The following ARHGAP42 variants were observed in gnomAD, a reference collection of about 807,000 sequenced individuals.
ARHGAP42 encodes Rho GTPase activating protein 42, also known as rho GTPase-activating protein 42.
A neutral mutation model predicts 125.0 loss-of-function variants in ARHGAP42; 63 were observed. The ratio of observed to expected loss-of-function variants is 0.50; its 90% confidence interval spans 0.41 to 0.62. The LOEUF (loss-of-function observed/expected upper bound fraction) is 0.62, where lower values mean the gene tolerates loss of function less well. Among genes scored for constraint, ARHGAP42 ranks in the 20% least tolerant of loss-of-function variants. The probability of loss-of-function intolerance (pLI) is 0.00; values close to 1 mark genes in which losing one functional copy is unlikely to be tolerated. For missense variants in ARHGAP42, 766 were observed against 1,024.2 expected, an observed-to-expected ratio of 0.75 and a Z score of 3.44; for synonymous variants, 339 against 351.0, an observed-to-expected ratio of 0.97 and a Z score of 0.38.
rs192282493 is a variant in ARHGAP42, at chr11:100,863,090, A to C, written c.384+3465A>C. Among the ~76,000 whole-genome samples the C allele has an allele frequency of 3.9e-3, 591 of 151,220 alleles. 5 individuals carry two copies. Among genetic ancestry groups the C allele is most frequent in the African/African-American group, 0.012 (494 of 41,178 alleles). ...CACACACACACACACACAACAACAAAAAAAAGGCATGTTCTTCTGAAATAT... is the reference window on the plus strand; with the variant it reads ...CACACACACACACACACAACAACAACAAAAAGGCATGTTCTTCTGAAATAT... On this transcript the variant is annotated intron_variant, in intron 4 of 23. Transcript: ENST00000298815.
rs577867857 is a variant in ARHGAP42 at position 100,749,595 on chromosome 11, C to G, written c.155-20748C>G. 5.0e-4 allele frequency among the ~76,000 whole-genome samples: 76 copies of G among 152,286 alleles called. 2 individuals are homozygous for G. Among genetic ancestry groups the G allele is most frequent in the Admixed American group, 4.7e-3 (72 of 15,302 alleles). ...CCTCTGAAGGTCCCTTGCACACTTC[C>G]CACTCGTGTTGTCCTCTCTGGCTGC... is the stretch of plus-strand genomic sequence containing the variant. On this transcript the variant is annotated intron_variant, in intron 1 of 23. Coordinates refer to ENST00000298815, the MANE Select transcript of ARHGAP42 (RefSeq NM_152432.4).
chr11:100,961,000 G>A lies in ARHGAP42; in HGVS notation c.1300+11G>A. On this transcript the variant is annotated intron_variant, in intron 14 of 23. Coordinates refer to ENST00000298815, the MANE Select transcript of ARHGAP42 (RefSeq NM_152432.4). Reference sequence around the variant, plus strand: ...TGAATACCACATTTTGTAAGTTTTGGATGAAGCAACTTACATAATTTTTGT... The same window carrying A: ...TGAATACCACATTTTGTAAGTTTTGAATGAAGCAACTTACATAATTTTTGT... 6.6e-7 allele frequency: 1 copy of A among 1,521,282 alleles called. No individual in the cohort carries two copies. Among genetic ancestry groups the A allele is most frequent in the Non-Finnish European group, 8.9e-7 (1 of 1,129,468 alleles). 94.2% of individuals were successfully genotyped at this position (1,521,282 alleles called of 1,614,324 possible). A position where few individuals can be genotyped will look rare whatever the true frequency, so the allele number is the denominator to read the frequency against.
At chr11:100,736,951 C>G (rs1308000812) in intron 1 of ARHGAP42, among the ~76,000 whole-genome samples, 1 of 152,128 alleles carries the variant, frequency 6.6e-6, no homozygotes, top group African/African-American at 2.4e-5. Context: ...TGAGCAAGCA[C>G]TATGCTAAAT....
At chr11:100,699,500 A>ATTTTTTTTTTTTTTT (rs1565532911) in intron 1 of ARHGAP42, among the ~76,000 whole-genome samples, 1 of 40,148 alleles carries the variant, frequency 2.5e-5, no homozygotes, top group African/African-American at 1.1e-4. Context: ...ATATATATAT[A>ATTTTTTTTTTTTTTT]TATATATTTT....
rs1171887390 is a variant in ARHGAP42 at position 100,750,689 on chromosome 11, G to GGAATGAGTCAGGGTGGA, written c.155-19640_155-19624dup. On this transcript the variant is annotated intron_variant, in intron 1 of 23. Transcript: ENST00000298815. ...AATGGTTATGGCAGAGCAGGAAATC[G>GGAATGAGTCAGGGTGGA]GAATGAGTCAGGGTGGAGAATGAGT... is the stretch of plus-strand genomic sequence containing the variant. 5.3e-5 allele frequency among the ~76,000 whole-genome samples: 8 copies of GGAATGAGTCAGGGTGGA among 152,086 alleles called. No individual in the cohort carries two copies. In the East Asian group the frequency reaches 1.4e-3, roughly 26 times the overall value.
At chr11:100,932,354 G>A (rs1308269769) in intron 6 of ARHGAP42, among the ~76,000 whole-genome samples, 2 of 152,188 alleles carry the variant, frequency 1.3e-5, no homozygotes, top group Non-Finnish European at 2.9e-5. Context: ...TTGTGGGAAA[G>A]ATTAGGTTAG....
At chr11:100,740,134 AT>A (rs1862153877) in intron 1 of ARHGAP42, among the ~76,000 whole-genome samples, 1 of 146,670 alleles carries the variant, frequency 6.8e-6, no homozygotes, top group East Asian at 2.0e-4. Flanking sequence ...TTTTTGTATG[AT>A]TTCTGGAAGT....
intron 3 of ARHGAP42, among the ~76,000 whole-genome samples, chr11:100,843,547 G>A (rs931230122): frequency 6.6e-6 from 1 of 151,998 alleles, no homozygotes; most frequent in Non-Finnish European, 1.5e-5. Context: ...TGTATACCTA[G>A]AAAACCCTAA....
At chr11:100,687,961 G>T (rs1861115600) in intron 1 of ARHGAP42, 129 bp downstream of exon 1, 1 of 1,064,196 alleles carries the variant, frequency 9.4e-7, no homozygotes, top group African/African-American at 1.6e-5. Context: ...AAGCTGAAGA[G>T]CTCCCCTGCT....
At chr11:100,741,187 C>T (rs765201932) in intron 1 of ARHGAP42, among the ~76,000 whole-genome samples, 8 of 152,098 alleles carry the variant, frequency 5.3e-5, no homozygotes, top group Admixed American at 1.3e-4. Flanking sequence ...CCTGCCACCA[C>T]GCCTGGCTAA....
At chr11:100,712,744 G>A (rs981571594) in intron 1 of ARHGAP42, among the ~76,000 whole-genome samples, 1 of 152,174 alleles carries the variant, frequency 6.6e-6, no homozygotes, top group African/African-American at 2.4e-5. Context: ...AATTGATCAG[G>A]TAGAAGCTGG....
intron 1 of ARHGAP42, among the ~76,000 whole-genome samples, chr11:100,715,432 GAA>G (rs1861644003): frequency 6.6e-6 from 1 of 152,166 alleles, no homozygotes; most frequent in African/African-American, 2.4e-5. Flanking sequence ...GGCATGCACA[GAA>G]AAGACTTCAT....
intron 3 of ARHGAP42, among the ~76,000 whole-genome samples, chr11:100,822,762 G>A (rs1346457607): frequency 6.6e-6 from 1 of 152,124 alleles, no homozygotes; most frequent in African/African-American, 2.4e-5. Flanking sequence ...CCACAGAGTG[G>A]AAAGTTTTGC....
chr11:100,926,787 A>G (rs947139042), intron 6 of ARHGAP42, among the ~76,000 whole-genome samples: 5 of 152,230 alleles, frequency 3.3e-5, no homozygotes, highest in African/African-American at 1.2e-4. Context: ...CACCTGTACT[A>G]TGATTGCTAG....
chr11:100,981,319 G>A lies in ARHGAP42; in HGVS notation c.2456+2270G>A, dbSNP rs1228140805. Among the ~76,000 whole-genome samples the A allele has an allele frequency of 2.6e-5, 4 of 152,136 alleles. No individual in the cohort carries two copies. The East Asian group carries it at 7.7e-4, about 29-fold the overall frequency. On this transcript the variant is annotated intron_variant, in intron 22 of 23. Transcript: ENST00000298815. The stretch of plus-strand genomic sequence containing the variant: ...CAAGCCTCTGATTAATATATTAGTG[G>A]TATTTAAACACTAACTCTTAACAGT...
At chr11:100,803,727 A>G (rs531262151) in intron 3 of ARHGAP42, among the ~76,000 whole-genome samples, 1 of 152,162 alleles carries the variant, frequency 6.6e-6, no homozygotes, top group East Asian at 1.9e-4. Flanking sequence ...TGGGCCCCTC[A>G]CTTTCTAGTA....
intron 1 of ARHGAP42, among the ~76,000 whole-genome samples, chr11:100,719,718 C>T (rs7945336): frequency 0.29 from 44,298 of 151,730 alleles, 6,784 homozygotes; most frequent in African/African-American, 0.36. Flanking sequence ...GTAAAATGAG[C>T]AGCAAAAGGA....
At chr11:100,814,792 A>G (rs911508114) in intron 3 of ARHGAP42, among the ~76,000 whole-genome samples, 3 of 152,242 alleles carry the variant, frequency 2.0e-5, no homozygotes, top group Non-Finnish European at 2.9e-5. Flanking sequence ...TTCATGATCC[A>G]GTCCCTTCTC....
chr11:100,817,480 C>G (rs1217999900), intron 3 of ARHGAP42, among the ~76,000 whole-genome samples: 1 of 152,116 alleles, frequency 6.6e-6, no homozygotes, highest in African/African-American at 2.4e-5. Flanking sequence ...TGTGCCCAAC[C>G]TTGTCTCTTT....
Sources: allele counts gnomAD v4.1 joint callset (sites outside exome capture counted in the v4.1 genomes callset), GRCh38; gene constraint gnomAD v4.1.1; transcripts MANE v1.5; gene names NCBI Gene and HGNC (gene_info 2026-07-23, HGNC 2026-07-21).